The following NEO1 variants were observed in gnomAD, a reference collection of about 807,000 sequenced individuals.
NEO1 encodes the protein neogenin.
NEO1 carries 63 observed loss-of-function variants against 159.7 expected under a neutral mutation model. The ratio of observed to expected loss-of-function variants is 0.39; its 90% CI spans 0.32 to 0.49. NEO1 has a LOEUF of 0.49. Ranked by LOEUF, NEO1 falls within the 20% of genes least tolerant of loss-of-function variation. The probability of loss-of-function intolerance (pLI) is 0.85; values close to 1 mark genes in which losing one functional copy is unlikely to be tolerated. For missense variants in NEO1, 1,615 were observed against 1,831.0 expected (o/e 0.88, Z 2.15); for synonymous variants, 633 against 662.0 (o/e 0.96, Z 0.67).
At chr15:73,289,342 A>T (rs761954472) in intron 25 of NEO1, 104 bp downstream of exon 25, 13 of 968,960 alleles carry the variant, frequency 1.3e-5, no homozygotes, top group Non-Finnish European at 2.1e-5. Context: ...TAACACAAAG[A>T]TAATCTACCA....
intron 5 of NEO1, among the ~76,000 whole-genome samples, chr15:73,167,807 C>T (rs1479636808): frequency 6.6e-6 from 1 of 152,140 alleles, no homozygotes; most frequent in Non-Finnish European, 1.5e-5. Flanking sequence ...GAGCTTTAGA[C>T]CGTAAGACCC....
intron 4 of NEO1, among the ~76,000 whole-genome samples, chr15:73,134,011 C>G (rs1005518742): frequency 6.6e-6 from 1 of 152,142 alleles, no homozygotes; most frequent in Non-Finnish European, 1.5e-5. Flanking sequence ...AAATTATGTT[C>G]ATCTCAGCTG....
chr15:73,223,204 T>C (rs1359118045), intron 7 of NEO1, among the ~76,000 whole-genome samples: 1 of 152,242 alleles, frequency 6.6e-6, no homozygotes, highest in Admixed American at 6.5e-5. Flanking sequence ...GCTCACTTTA[T>C]GGCCTATCAT....
intron 1 of NEO1, among the ~76,000 whole-genome samples, chr15:73,090,940 C>T (rs1944647727): frequency 6.6e-6 from 1 of 152,146 alleles, no homozygotes; most frequent in Non-Finnish European, 1.5e-5. Flanking sequence ...ACTTAATCCT[C>T]CCAATTGCGT....
intron 1 of NEO1, among the ~76,000 whole-genome samples, chr15:73,100,532 G>C (rs1001514256): frequency 4.0e-5 from 6 of 151,716 alleles, no homozygotes; most frequent in Non-Finnish European, 5.9e-5. Context: ...ATGGGGTTTC[G>C]GCATGTTGGC....
At chr15:73,268,982 A>T (rs971453426) in intron 16 of NEO1, among the ~76,000 whole-genome samples, 17 of 152,082 alleles carry the variant, frequency 1.1e-4, no homozygotes, top group Non-Finnish European at 2.9e-5. Context: ...TTGTTCTCTG[A>T]CTCTGTGGAA....
At chr15:73,186,586 C>CT (rs58368427) in intron 7 of NEO1, among the ~76,000 whole-genome samples, 4,347 of 150,626 alleles carry the variant, frequency 0.029, 83 homozygotes, top group East Asian at 0.057. Context: ...TTTTTTTCTT[C>CT]TTTTTTTTTC....
intron 3 of NEO1, among the ~76,000 whole-genome samples, chr15:73,125,928 T>G (rs1205629794): frequency 3.3e-5 from 5 of 152,190 alleles, no homozygotes; most frequent in African/African-American, 1.2e-4. Flanking sequence ...GGTCCTGAGC[T>G]TGCTCAGTCT....
chr15:73,232,918 A>C (rs1484390568), intron 7 of NEO1, among the ~76,000 whole-genome samples: 1 of 152,218 alleles, frequency 6.6e-6, no homozygotes, highest in Non-Finnish European at 1.5e-5. Context: ...GGGATGCCTC[A>C]GACACTGTTT....
At chr15:73,071,379 AT>A (rs1388609348) in intron 1 of NEO1, among the ~76,000 whole-genome samples, 1 of 152,162 alleles carries the variant, frequency 6.6e-6, no homozygotes, top group Non-Finnish European at 1.5e-5. Context: ...TTTGAGAAAC[AT>A]TTTCTAAGTG....
At chr15:73,288,269 C>A in intron 23 of NEO1, 44 bp from the exon 24 acceptor site, 1 of 1,560,794 alleles carries the variant, frequency 6.4e-7, no homozygotes, top group South Asian at 1.1e-5. Context: ...CAAATACGTT[C>A]AAATGAGTTA....
chr15:73,198,931 T>A (rs1050531548), intron 7 of NEO1, among the ~76,000 whole-genome samples: 2 of 151,570 alleles, frequency 1.3e-5, no homozygotes, highest in Non-Finnish European at 2.9e-5. Context: ...CTTAATATGA[T>A]AAATTTGTCA....
intron 7 of NEO1, among the ~76,000 whole-genome samples, chr15:73,205,918 T>C (rs28621458): frequency 1.3e-5 from 2 of 152,260 alleles, no homozygotes; most frequent in East Asian, 3.9e-4. Context: ...TTTTTTTTGT[T>C]TTTTTTTGAG....
intron 7 of NEO1, among the ~76,000 whole-genome samples, chr15:73,230,814 A>G (rs1359048619): frequency 6.6e-6 from 1 of 152,018 alleles, no homozygotes; most frequent in Non-Finnish European, 1.5e-5. Flanking sequence ...CTGGTCTTAA[A>G]TTTCTGGGCT....
upstream of NEO1, chr15:73,051,982 C>T (rs1056166961): frequency 3.3e-5 from 5 of 152,212 alleles, no homozygotes; most frequent in African/African-American, 1.2e-4. Flanking sequence ...CAGCCAGAGG[C>T]ATCTGGGGAG....
At chr15:73,135,863 CTTTTTTT>C in intron 4 of NEO1, 21 bp from the exon 5 acceptor site, 39 of 1,293,026 alleles carry the variant, frequency 3.0e-5, no homozygotes, top group Admixed American at 1.5e-4. Context: ...TGAAATGTAT[CTTTTTTT>C]TTTTTTTTTT....
At chr15:73,298,311 CA>C in intron 26 of NEO1, 36 bp from the exon 27 acceptor site, 1 of 1,609,318 alleles carries the variant, frequency 6.2e-7, no homozygotes, top group Admixed American at 1.7e-5. Flanking sequence ...TATTTAATGG[CA>C]AAAGAAATGC....
In NEO1 at chr15:73,271,670, G is replaced by A. The variant is rs193042089; in HGVS notation, c.2858-785G>A. Among the ~76,000 whole-genome samples the A allele has an allele frequency of 9.5e-4, 144 of 152,272 alleles. 1 individual carries two copies. The highest frequency in any genetic ancestry group is 2.8e-4 in the Non-Finnish European group (19 of 68,010). On this transcript the variant is annotated intron_variant, in intron 18 of 28. Coordinates refer to ENST00000261908, the MANE Select transcript of NEO1 (RefSeq NM_002499.4). ...ACCTGTAATCCCAGTGCTTTGGGAG[G>A]CCATGGTGGGCGGATCACCTGAGGC...
At chr15:73,116,897 T>C in intron 2 of NEO1, 40 bp downstream of exon 2, 1 of 1,431,252 alleles carries the variant, frequency 7.0e-7, no homozygotes, top group Non-Finnish European at 9.4e-7. Context: ...TTTTCAAATA[T>C]TTATAACATA....
Sources: gnomAD v4.1 joint callset for allele counts (sites outside exome capture counted in the v4.1 genomes callset) on GRCh38, gnomAD v4.1.1 for gene constraint, MANE v1.5 for transcripts, NCBI Gene and HGNC (gene_info 2026-07-23, HGNC 2026-07-21) for gene names.